PALM: variants seen among roughly 807,000 people sequenced by gnomAD.
The protein encoded by PALM is paralemmin-1.
Under a neutral mutation model 30.7 loss-of-function variants are expected in PALM, and 18 were observed. That is an observed-to-expected ratio of 0.59 (90% CI 0.41 to 0.87). PALM has a LOEUF of 0.87. Among genes scored for constraint, PALM ranks in the 40% least tolerant of loss-of-function variants. The probability of loss-of-function intolerance (pLI) is 0.00; values close to 1 mark genes in which losing one functional copy is unlikely to be tolerated. For synonymous variants in PALM, 286 were observed against 242.8 expected, an observed-to-expected ratio of 1.18 and a Z score of -1.66; for missense variants, 529 against 555.4, an observed-to-expected ratio of 0.95 and a Z score of 0.48.
chr19:719,026 T>G, intron 1 of PALM: 33 of 258,184 alleles, frequency 1.3e-4, no homozygotes, highest in Non-Finnish European at 1.7e-4. Flanking sequence ...CAGCCCCGCG[T>G]GACTCCCCCA....
intron 2 of PALM, among the ~76,000 whole-genome samples, 188 bp downstream of exon 2, chr19:726,377 C>G (rs2032662736): frequency 1.3e-5 from 2 of 152,164 alleles, no homozygotes; most frequent in South Asian, 4.1e-4. Flanking sequence ...GTCGGCAGCT[C>G]CTGGACCCCC....
chr19:716,263 A>G (rs1192348279), intron 1 of PALM, among the ~76,000 whole-genome samples: 1 of 152,124 alleles, frequency 6.6e-6, no homozygotes, highest in African/African-American at 2.4e-5. Context: ...AAATACAAAA[A>G]TTAGCCAGGC....
chr19:748,276 C>T lies in PALM; in HGVS notation c.*1462C>T, dbSNP rs1599176081. 1 of 152,694 alleles carries T rather than the reference C, an allele frequency of 6.5e-6. No individual in the cohort carries two copies. Among genetic ancestry groups the T allele is most frequent in the Non-Finnish European group, 1.5e-5 (1 of 68,098 alleles). The allele number at this position is 152,694 out of a possible 1,614,324, so 9.5% of individuals were successfully genotyped here. ...CTCTGCTTCTGGTGTGTGACGAGGC[C>T]CCCGATGTTCTTGATTTTCCCAGAG... is the stretch of plus-strand genomic sequence containing the variant. On this transcript the variant is annotated 3_prime_UTR_variant, in exon 9 of 9. Transcript: ENST00000338448.
chr19:729,732 G>C (rs2032811729), intron 4 of PALM, among the ~76,000 whole-genome samples: 1 of 152,136 alleles, frequency 6.6e-6, no homozygotes, highest in South Asian at 2.1e-4. Context: ...AAAGTGCTGG[G>C]ATTACAGGTG....
In PALM at chr19:746,211, C is replaced by A; in HGVS notation, c.635-74C>A. On this transcript the variant is annotated intron_variant, in intron 8 of 8. Coordinates refer to ENST00000338448, the MANE Select transcript of PALM (RefSeq NM_002579.3). The surrounding 1 kb of genome is among the most constrained non-coding windows in gnomAD (Gnocchi z 7.1). ...TACAAGCCTTGCCAAGGTTTCCCTC[C>A]TGCCTGAGCCAGGTCACTCTCTCTG... is the stretch of plus-strand genomic sequence containing the variant. 2.4e-6 allele frequency: 3 copies of A among 1,235,182 alleles called. No individual in the cohort carries two copies. Among genetic ancestry groups the A allele is most frequent in the Non-Finnish European group, 3.5e-6 (3 of 861,112 alleles). 76.5% of individuals were successfully genotyped at this position (1,235,182 alleles called of 1,614,324 possible).
At position 745,686 on chromosome 19, in the gene PALM, GA is replaced by G. The variant is rs5826707; in HGVS notation, c.635-583del. Among the ~76,000 whole-genome samples the G allele has an allele frequency of 7.9e-3, 1,082 of 137,420 alleles. 7 individuals carry two copies. The highest frequency in any genetic ancestry group is 0.012 in the Non-Finnish European group (777 of 64,614). The allele number at this position is 137,420 out of a possible 152,430, so 90.2% of individuals were successfully genotyped here. A position where few individuals can be genotyped will look rare whatever the true frequency, so the allele number is the denominator to read the frequency against. ...CTCCAGCCTGGGCAGCTCCATCTCAGAAAAAAAAAAAAAAAATCCCAATTCA... is the reference window on the plus strand; with the variant it reads ...CTCCAGCCTGGGCAGCTCCATCTCAGAAAAAAAAAAAAAAATCCCAATTCA... On this transcript the variant is annotated intron_variant, in intron 8 of 8. Coordinates refer to ENST00000338448, the MANE Select transcript of PALM (RefSeq NM_002579.3).
chr19:737,971 C>T (rs1421971568), intron 7 of PALM, among the ~76,000 whole-genome samples: 3 of 152,002 alleles, frequency 2.0e-5, no homozygotes, highest in Non-Finnish European at 4.4e-5. Context: ...AGACCGTGGA[C>T]GGTGCCAGGT....
chr19:733,420 C>T (rs568684608), intron 5 of PALM, among the ~76,000 whole-genome samples: 3 of 152,310 alleles, frequency 2.0e-5, no homozygotes, highest in South Asian at 4.1e-4. Flanking sequence ...AGCCCTGAGA[C>T]AGGAGTGTGT....
intron 8 of PALM, 55 bp downstream of exon 8, chr19:740,538 G>T: frequency 6.0e-6 from 9 of 1,491,634 alleles, no homozygotes; most frequent in Non-Finnish European, 8.1e-6. Flanking sequence ...CCCCGAACAC[G>T]TGTGCTCCCA....
At chr19:710,209 T>C (rs1281466433) in intron 1 of PALM, among the ~76,000 whole-genome samples, 1 of 152,134 alleles carries the variant, frequency 6.6e-6, no homozygotes. Context: ...GCCGCCAACT[T>C]TCCCCGGGGA....
chr19:718,737 C>A (rs1301850779), intron 1 of PALM, among the ~76,000 whole-genome samples: 1 of 150,820 alleles, frequency 6.6e-6, no homozygotes, highest in East Asian at 2.0e-4. Flanking sequence ...GAGGTTCCTT[C>A]CTGGAAGGCT....
At chr19:714,874 T>G (rs1232035194) in intron 1 of PALM, among the ~76,000 whole-genome samples, 1 of 151,954 alleles carries the variant, frequency 6.6e-6, no homozygotes, top group Admixed American at 6.6e-5. Flanking sequence ...CAGGCCGGTC[T>G]CAAACTCCTG....
chr19:744,289 A>G (rs1421053711), intron 8 of PALM, among the ~76,000 whole-genome samples: 1 of 151,744 alleles, frequency 6.6e-6, no homozygotes, highest in African/African-American at 2.4e-5. Flanking sequence ...AATCCCAGCT[A>G]GTCAGGAGGC....
In PALM at chr19:746,180, G is replaced by A; in HGVS notation, c.635-105G>A. Reference sequence around the variant, plus strand: ...TTCGTGATTTCCTCTTTAGCCTGGAGGAGGATACAAGCCTTGCCAAGGTTT... The same window carrying A: ...TTCGTGATTTCCTCTTTAGCCTGGAAGAGGATACAAGCCTTGCCAAGGTTT... On this transcript the variant is annotated intron_variant, in intron 8 of 8. Transcript: ENST00000338448. This position sits in a 1 kb window ranked among gnomAD's most constrained non-coding sequence, Gnocchi z 7.1. 1 of 787,558 alleles carries A rather than the reference G, an allele frequency of 1.3e-6. No homozygotes were observed. The highest frequency in any genetic ancestry group is 2.1e-6 in the Non-Finnish European group (1 of 474,636). The allele number at this position is 787,558 out of a possible 1,614,324, so 48.8% of individuals were successfully genotyped here.
At chr19:714,397 CGCCCAGGCTGG>C (rs1568217993) in intron 1 of PALM, among the ~76,000 whole-genome samples, 1 of 127,746 alleles carries the variant, frequency 7.8e-6, no homozygotes, top group Admixed American at 9.2e-5. Flanking sequence ...CTCTCTCTGT[CGCCCAGGCTGG>C]AGTGCAGTGG....
In PALM at chr19:736,092, C is replaced by T; in HGVS notation, c.502+14C>T. On this transcript the variant is annotated intron_variant, in intron 7 of 8. Transcript: ENST00000338448. ...TGATGAAGGCAGGTGGGTTGGCCCC[C>T]AGGCTCTGGGCCCCAGATCCAGCCG... 8 of 1,600,650 alleles carry T rather than the reference C, an allele frequency of 5.0e-6. No individual in the cohort carries two copies. The highest frequency in any genetic ancestry group is 6.8e-6 in the Non-Finnish European group (8 of 1,172,128).
At chr19:738,612 A>G (rs1340280625) in intron 7 of PALM, among the ~76,000 whole-genome samples, 2 of 151,534 alleles carry the variant, frequency 1.3e-5, no homozygotes, top group East Asian at 3.9e-4. Context: ...GATTGGGAGT[A>G]GTGTTATGGA....
intron 4 of PALM, among the ~76,000 whole-genome samples, chr19:728,193 C>T: frequency 6.6e-6 from 1 of 152,206 alleles, no homozygotes; most frequent in Admixed American, 6.5e-5. Flanking sequence ...AGGAAGGGGA[C>T]AGGATGGGGA....
At chr19:715,217 G>A (rs545180231) in intron 1 of PALM, among the ~76,000 whole-genome samples, 1 of 152,182 alleles carries the variant, frequency 6.6e-6, no homozygotes, top group South Asian at 2.1e-4. Context: ...TCAGTGAGCC[G>A]AGATTGCACC....
Sources: allele counts gnomAD v4.1 joint callset (sites outside exome capture counted in the v4.1 genomes callset), GRCh38; gene constraint gnomAD v4.1.1; non-coding constraint Gnocchi (gnomAD v3.1); transcripts MANE v1.5; gene names NCBI Gene and HGNC (gene_info 2026-07-23, HGNC 2026-07-21).